ADCYAP1R1: variants seen among roughly 807,000 people sequenced by gnomAD.
ADCYAP1R1 encodes the protein pituitary adenylate cyclase-activating polypeptide type I receptor.
In ADCYAP1R1, 44 loss-of-function variants were observed where a neutral mutation model predicts 67.6. That is an observed-to-expected ratio of 0.65 (90% CI 0.51 to 0.84). The LOEUF (loss-of-function observed/expected upper bound fraction) is 0.84, where lower values mean the gene tolerates loss of function less well. Among genes scored for constraint, ADCYAP1R1 ranks in the 40% least tolerant of loss-of-function variants. The pLI, the probability that ADCYAP1R1 is intolerant of heterozygous loss-of-function variation, is 0.00. For missense variants in ADCYAP1R1, 477 were observed against 587.9 expected, an observed-to-expected ratio of 0.81 and a Z score of 1.95; for synonymous variants, 222 against 219.6, an observed-to-expected ratio of 1.01 and a Z score of -0.10.
chr7:31,073,599 A>T (rs1654177996), intron 3 of ADCYAP1R1, among the ~76,000 whole-genome samples: 2 of 152,204 alleles, frequency 1.3e-5, no homozygotes. Context: ...GCCTGGAAGG[A>T]TTCAGCTCCA....
intron 3 of ADCYAP1R1, among the ~76,000 whole-genome samples, chr7:31,077,550 T>G (rs1270728301): frequency 6.8e-6 from 1 of 147,636 alleles, no homozygotes; most frequent in East Asian, 2.0e-4. Flanking sequence ...GTGTAATGTG[T>G]GTGTGGTGCA....
chr7:31,086,304 G>C lies in ADCYAP1R1; in HGVS notation c.670-80G>C. 6.8e-7 allele frequency: 1 copy of C among 1,465,454 alleles called. No homozygotes were observed. The highest frequency in any genetic ancestry group is 9.3e-7 in the Non-Finnish European group (1 of 1,078,204). 90.8% of individuals were successfully genotyped at this position (1,465,454 alleles called of 1,614,324 possible). ...GGGATGTTTGAACCTGAGCATGCCA[G>C]AGCCAACGGGCCCTAGGATTCTCCC... On this transcript the variant is annotated intron_variant, in intron 9 of 15. Transcript: ENST00000304166. This position sits in a 1 kb window ranked among gnomAD's most constrained non-coding sequence, Gnocchi z 5.0.
intron 15 of ADCYAP1R1, among the ~76,000 whole-genome samples, chr7:31,105,600 C>G (rs1322406690): frequency 6.6e-6 from 1 of 152,174 alleles, no homozygotes; most frequent in Non-Finnish European, 1.5e-5. Context: ...GTCTTTGCAC[C>G]AGTGCTTGGG....
At chr7:31,069,498 G>T (rs991609179) in intron 3 of ADCYAP1R1, among the ~76,000 whole-genome samples, 1 of 152,164 alleles carries the variant, frequency 6.6e-6, no homozygotes, top group African/African-American at 2.4e-5. Flanking sequence ...TAATATACTT[G>T]TATATATTTT....
chr7:31,093,614 G>A (rs909408211), intron 13 of ADCYAP1R1, among the ~76,000 whole-genome samples: 12 of 152,110 alleles, frequency 7.9e-5, no homozygotes, highest in Admixed American at 5.2e-4. Context: ...CTGGAGGGGT[G>A]GATGGGCACA....
chr7:31,083,613 G>A (rs1233873402), intron 6 of ADCYAP1R1, among the ~76,000 whole-genome samples: 1 of 152,204 alleles, frequency 6.6e-6, no homozygotes, highest in Non-Finnish European at 1.5e-5. Context: ...CCCTTGATGT[G>A]AGATGTTGCA....
chr7:31,087,740 T>C, intron 12 of ADCYAP1R1, 44 bp downstream of exon 12: 1 of 1,557,544 alleles, frequency 6.4e-7, no homozygotes, highest in Non-Finnish European at 8.8e-7. Flanking sequence ...GACAGGGTCT[T>C]GGGCAGAAAG....
chr7:31,078,652 C>T (rs1279646333), intron 4 of ADCYAP1R1, among the ~76,000 whole-genome samples: 1 of 152,216 alleles, frequency 6.6e-6, no homozygotes, highest in Non-Finnish European at 1.5e-5. Context: ...ACATGCAGAG[C>T]CACTTAGACG....
At chr7:31,064,551 A>G (rs62450072) in intron 2 of ADCYAP1R1, among the ~76,000 whole-genome samples, 1,590 of 152,330 alleles carry the variant, frequency 0.01, 16 homozygotes, top group South Asian at 0.055. Context: ...GTGAAGTGCT[A>G]TATGCGCTTG....
intron 1 of ADCYAP1R1, among the ~76,000 whole-genome samples, chr7:31,054,782 C>G (rs1443749343): frequency 1.3e-5 from 2 of 152,168 alleles, no homozygotes; most frequent in African/African-American, 4.8e-5. Flanking sequence ...GAAGGCCTTG[C>G]TTGCCTGAGA....
At position 31,104,870 on chromosome 7, in the gene ADCYAP1R1, C is replaced by T. The variant is rs779815775; in HGVS notation, c.1179C>T (p.Gly393=). The part of the protein sequence containing the change: ...VFELGLGSFQ[G]FVVAVLYCFL... ...AGGCTTATTTTCTCTATTCCCAGGGCTTTGTGGTGGCTGTTCTCTACTGTT... is the reference window on the plus strand; with the variant it reads ...AGGCTTATTTTCTCTATTCCCAGGGTTTTGTGGTGGCTGTTCTCTACTGTT... Residue 393 remains glycine (G), a splice_region_variant and synonymous_variant, in exon 15 of 16, where the codon GGC becomes GGT. Coordinates refer to ENST00000304166, the MANE Select transcript of ADCYAP1R1 (RefSeq NM_001118.5). 5 of 1,614,188 alleles carry T rather than the reference C, an allele frequency of 3.1e-6. No individual in the cohort carries two copies. The East Asian group carries it at 1.1e-4, about 36-fold the overall frequency.
chr7:31,067,052 C>T (rs1794767162), intron 3 of ADCYAP1R1, among the ~76,000 whole-genome samples: 1 of 152,178 alleles, frequency 6.6e-6, no homozygotes, highest in Non-Finnish European at 1.5e-5. Context: ...GAGCTGGCAT[C>T]TCTGCAACTG....
chr7:31,078,191 G>T (rs1191877153), intron 4 of ADCYAP1R1, 93 bp downstream of exon 4: 16 of 954,410 alleles, frequency 1.7e-5, no homozygotes, highest in Non-Finnish European at 2.1e-5. Context: ...AGGCCACCCT[G>T]TGGGCAGACA....
At position 31,058,475 on chromosome 7, in the gene ADCYAP1R1, T is replaced by C. The variant is rs528794248; in HGVS notation, c.-71-4719T>C. ...GAATGGTGTGCTATTGGGATCCCCC[T>C]GAATTCCCTTACAGTCCAGGTATCT... On this transcript the variant is annotated intron_variant, in intron 1 of 15. Transcript: ENST00000304166. Among the ~76,000 whole-genome samples the C allele has an allele frequency of 5.3e-5, 8 of 152,262 alleles. No individual in the cohort carries two copies. The East Asian group carries it at 1.5e-3, about 29-fold the overall frequency.
At chr7:31,054,083 A>G (rs895612188) in intron 1 of ADCYAP1R1, among the ~76,000 whole-genome samples, 2 of 152,164 alleles carry the variant, frequency 1.3e-5, no homozygotes, top group Non-Finnish European at 2.9e-5. Context: ...TGGGGAGGGC[A>G]GGCAGAGGCA....
chr7:31,092,326 A>C (rs1795992731), intron 12 of ADCYAP1R1, among the ~76,000 whole-genome samples: 1 of 151,736 alleles, frequency 6.6e-6, no homozygotes, highest in South Asian at 2.1e-4. Context: ...GTCTTACTTT[A>C]TCTCTTTTGG....
intron 2 of ADCYAP1R1, among the ~76,000 whole-genome samples, chr7:31,063,536 A>G (rs545261962): frequency 2.4e-4 from 32 of 136,082 alleles, no homozygotes; most frequent in Middle Eastern, 3.6e-3. Context: ...AAAATTTACA[A>G]ATCTTTATGA....
chr7:31,064,005 G>C (rs1414349169), intron 2 of ADCYAP1R1, among the ~76,000 whole-genome samples: 2 of 152,230 alleles, frequency 1.3e-5, no homozygotes, highest in Non-Finnish European at 1.5e-5. Context: ...CCTGCCCTGG[G>C]GTTTTGAGTT....
chr7:31,101,482 T>C (rs1796433887), intron 13 of ADCYAP1R1, among the ~76,000 whole-genome samples: 1 of 152,102 alleles, frequency 6.6e-6, no homozygotes, highest in Non-Finnish European at 1.5e-5. Context: ...GCTCCTTCAA[T>C]AGATATCTTT....
Sources: allele counts gnomAD v4.1 joint callset (sites outside exome capture counted in the v4.1 genomes callset), GRCh38; gene constraint gnomAD v4.1.1; non-coding constraint Gnocchi (gnomAD v3.1); transcripts MANE v1.5; gene names NCBI Gene and HGNC (gene_info 2026-07-23, HGNC 2026-07-21).